The following TCF12 variants were observed in gnomAD, a reference collection of about 807,000 sequenced individuals.
TCF12 encodes DNA-binding protein HTF4.
A neutral mutation model predicts 86.0 loss-of-function variants in TCF12; 45 were observed. The observed-to-expected ratio is 0.52, with a 90% CI of 0.41 to 0.67. The LOEUF is 0.67. TCF12 is among the 30% of genes least tolerant of loss of function. The pLI is 0.00. For synonymous variants in TCF12, 330 were observed against 299.6 expected, an observed-to-expected ratio of 1.10 and a Z score of -1.05; for missense variants, 881 against 859.9, an observed-to-expected ratio of 1.02 and a Z score of -0.31.
At chr15:56,969,535 ATTTTTTTTT>A (rs67565542) in intron 3 of TCF12, among the ~76,000 whole-genome samples, 2 of 130,018 alleles carry the variant, frequency 1.5e-5, no homozygotes, top group African/African-American at 6.0e-5. Flanking sequence ...CCAGTTGGAG[ATTTTTTTTT>A]TTTTTTTTTT....
chr15:57,262,265 T>C, intron 17 of TCF12, 57 bp downstream of exon 17: 2 of 1,226,866 alleles, frequency 1.6e-6, no homozygotes, highest in Non-Finnish European at 1.2e-6. Flanking sequence ...TTTGGAACAC[T>C]GTCACCTTTC....
intron 8 of TCF12, among the ~76,000 whole-genome samples, chr15:57,225,246 T>TTTTTTTTTTTTTG (rs1566943537): frequency 1.5e-5 from 2 of 135,162 alleles, no homozygotes; most frequent in African/African-American, 5.9e-5. Flanking sequence ...TTTTTTTTTT[T>TTTTTTTTTTTTTG]TTTTTAAGAC....
intron 6 of TCF12, among the ~76,000 whole-genome samples, chr15:57,177,914 T>G (rs541765910): frequency 1.3e-5 from 2 of 152,210 alleles, no homozygotes; most frequent in African/African-American, 4.8e-5. Context: ...TTTTGCCATG[T>G]TGCCCAGGCT....
Position 57,096,139 on chromosome 15 carries a change from T to G in TCF12, c.325+4248T>G, listed in dbSNP as rs1821949850. Among the ~76,000 whole-genome samples the G allele has an allele frequency of 2.6e-5, 4 of 152,178 alleles. No homozygotes were observed. In the South Asian group the frequency reaches 6.2e-4, roughly 24 times the overall value. ...AACCATGATTATGGAGACACTGATCTTGATGGATGACCGTGGAAAAACGGT... is the reference window on the plus strand; with the variant it reads ...AACCATGATTATGGAGACACTGATCGTGATGGATGACCGTGGAAAAACGGT... On this transcript the variant is annotated intron_variant, in intron 5 of 20. Coordinates refer to ENST00000333725, the MANE Select transcript of TCF12 (RefSeq NM_207037.2).
intron 19 of TCF12, chr15:57,282,069 C>CT (rs1567047935): frequency 7.3e-6 from 2 of 274,696 alleles, no homozygotes; most frequent in Admixed American, 1.0e-4. Context: ...GTGTCTCTCT[C>CT]TAAGTACAAG....
chr15:56,969,711 G>T (rs969609454), intron 3 of TCF12, among the ~76,000 whole-genome samples: 1 of 152,046 alleles, frequency 6.6e-6, no homozygotes, highest in African/African-American at 2.4e-5. Context: ...CCCATTTGGA[G>T]ATATTAGTGG....
chr15:57,080,557 C>G (rs978807639), intron 4 of TCF12, among the ~76,000 whole-genome samples: 3 of 152,176 alleles, frequency 2.0e-5, no homozygotes, highest in East Asian at 1.9e-4. Flanking sequence ...TACTGCAGAA[C>G]GAATCACAGA....
chr15:57,288,168 A>G lies in TCF12; in HGVS notation c.*2023A>G, dbSNP rs1427339543. ...AAAAAGTTTCTTACTTTATTTTATT[A>G]TATTAGGTAGTAAAAAATGTAGGGT... On this transcript the variant is annotated 3_prime_UTR_variant, in exon 21 of 21. Transcript: ENST00000333725. The G allele has an allele frequency of 9.2e-5, 14 of 152,582 alleles. No individual in the cohort carries two copies. Among genetic ancestry groups the G allele is most frequent in the Non-Finnish European group, 1.5e-5 (1 of 68,038 alleles). 9.5% of individuals were successfully genotyped at this position (152,582 alleles called of 1,614,324 possible).
At chr15:57,136,959 T>TTG (rs2052575842) in intron 5 of TCF12, among the ~76,000 whole-genome samples, 1 of 4,164 alleles carries the variant, frequency 2.4e-4, no homozygotes, top group African/African-American at 4.1e-4. Context: ...CTTCTGGCAG[T>TTG]TTTTTTTTTT....
intron 3 of TCF12, among the ~76,000 whole-genome samples, chr15:56,952,056 G>A (rs914978167): frequency 6.6e-6 from 1 of 152,084 alleles, no homozygotes; most frequent in Non-Finnish European, 1.5e-5. Context: ...TTGTGTGTGT[G>A]TGTATGATGA....
intron 3 of TCF12, among the ~76,000 whole-genome samples, chr15:57,055,053 T>G (rs1030267431): frequency 1.3e-5 from 2 of 152,110 alleles, no homozygotes; most frequent in Non-Finnish European, 2.9e-5. Context: ...AGTCTTTTTA[T>G]TTATTATATA....
At chr15:56,970,927 G>A (rs1276482679) in intron 3 of TCF12, among the ~76,000 whole-genome samples, 2 of 151,992 alleles carry the variant, frequency 1.3e-5, no homozygotes, top group Non-Finnish European at 1.5e-5. Context: ...GGCAGTCCAC[G>A]CCTATTGTCC....
At position 57,057,922 on chromosome 15, in the gene TCF12, G is replaced by A. The variant is rs189795213; in HGVS notation, c.149-5828G>A. ...AGTGCTTCTATGGAAGAAAACACTG[G>A]CATTGGTCTTCAGATACAGGGCTTT... is the stretch of plus-strand genomic sequence containing the variant. On this transcript the variant is annotated intron_variant, in intron 3 of 20. Coordinates refer to ENST00000333725, the MANE Select transcript of TCF12 (RefSeq NM_207037.2). Among the ~76,000 whole-genome samples, 4 of 152,266 alleles carry A rather than the reference G, an allele frequency of 2.6e-5. No homozygotes were observed. In the East Asian group the frequency reaches 7.7e-4, roughly 29 times the overall value.
intron 3 of TCF12, among the ~76,000 whole-genome samples, chr15:56,963,927 T>G (rs1407822018): frequency 6.6e-6 from 1 of 152,196 alleles, no homozygotes; most frequent in Non-Finnish European, 1.5e-5. Flanking sequence ...GCAAAAATTT[T>G]GGCAGAGTGG....
At chr15:56,984,868 C>T (rs1184455562) in intron 3 of TCF12, among the ~76,000 whole-genome samples, 1 of 152,108 alleles carries the variant, frequency 6.6e-6, no homozygotes, top group Non-Finnish European at 1.5e-5. Context: ...CCTCAAGAGG[C>T]TTGTACTTTT....
chr15:57,001,009 A>AC (rs1199435852), intron 3 of TCF12, among the ~76,000 whole-genome samples: 13 of 135,934 alleles, frequency 9.6e-5, no homozygotes, highest in African/African-American at 3.0e-4. Context: ...AAATTTAAAA[A>AC]AAATTTTTTT....
At chr15:57,195,726 G>A (rs1422779291) in intron 7 of TCF12, among the ~76,000 whole-genome samples, 3 of 152,326 alleles carry the variant, frequency 2.0e-5, no homozygotes, top group Admixed American at 6.5e-5. Context: ...AACTGGGGCC[G>A]GGCATGGTGG....
At chr15:57,223,643 G>GGTTTTTTTTT (rs2058707540) in intron 8 of TCF12, among the ~76,000 whole-genome samples, 1 of 69,666 alleles carries the variant, frequency 1.4e-5, no homozygotes, top group South Asian at 6.7e-4. Flanking sequence ...TACCAATGAG[G>GGTTTTTTTTT]TTTTTTTTTT....
intron 4 of TCF12, among the ~76,000 whole-genome samples, chr15:57,077,943 G>A (rs562659342): frequency 8.6e-5 from 13 of 151,894 alleles, no homozygotes; most frequent in African/African-American, 2.9e-4. Context: ...TTATTGTCTC[G>A]TCTATGAGAT....
Sources: allele counts gnomAD v4.1 joint callset (sites outside exome capture counted in the v4.1 genomes callset), GRCh38; gene constraint gnomAD v4.1.1; transcripts MANE v1.5; gene names NCBI Gene and HGNC (gene_info 2026-07-23, HGNC 2026-07-21).